The following AK8 variants were observed in gnomAD, a reference collection of about 807,000 sequenced individuals.
AK8 encodes the protein ATP-AMP transphosphorylase 8.
AK8 carries 44 observed loss-of-function variants against 54.6 expected under a neutral mutation model. The ratio of observed to expected loss-of-function variants is 0.81; its 90% CI spans 0.63 to 1.04. The LOEUF (loss-of-function observed/expected upper bound fraction) is 1.04, where lower values mean the gene tolerates loss of function less well. AK8 is among the 50% of genes least tolerant of loss of function. AK8 has a pLI of 0.00. For synonymous variants in AK8, 239 were observed against 245.6 expected (o/e 0.97, Z 0.25); for missense variants, 555 against 613.6 (o/e 0.90, Z 1.01).
At chr9:132,871,958 T>A (rs1275688486) in intron 2 of AK8, among the ~76,000 whole-genome samples, 2 of 152,218 alleles carry the variant, frequency 1.3e-5, no homozygotes, top group African/African-American at 2.4e-5. Flanking sequence ...AAAGAGATGA[T>A]TGAATCTGCC....
intron 10 of AK8, among the ~76,000 whole-genome samples, chr9:132,796,697 G>A (rs928543722): frequency 3.3e-5 from 5 of 151,270 alleles, no homozygotes; most frequent in African/African-American, 7.3e-5. Flanking sequence ...GTAAATAAAC[G>A]GCTTGTATAC....
At chr9:132,820,335 A>T (rs930828060) in intron 9 of AK8, among the ~76,000 whole-genome samples, 1 of 152,084 alleles carries the variant, frequency 6.6e-6, no homozygotes, top group African/African-American at 2.4e-5. Flanking sequence ...AACAAAAATG[A>T]GGTCACCCCC....
intron 2 of AK8, 110 bp downstream of exon 2, chr9:132,875,005 A>G: frequency 1.5e-6 from 2 of 1,377,464 alleles, no homozygotes; most frequent in African/African-American, 1.4e-5. Flanking sequence ...GGGATGGGGC[A>G]GGGTTCCTGG....
At chr9:132,853,090 C>T (rs1295761781) in intron 5 of AK8, among the ~76,000 whole-genome samples, 2 of 152,108 alleles carry the variant, frequency 1.3e-5, no homozygotes, top group Non-Finnish European at 2.9e-5. Context: ...GGCACGGTAG[C>T]TCACACCTGT....
rs35269905 is a variant in AK8, at chr9:132,727,699, C to T, written c.1122-165G>A. On this transcript the variant is annotated intron_variant, in intron 11 of 12. Coordinates refer to ENST00000298545, the MANE Select transcript of AK8 (RefSeq NM_152572.3). ...CTGCAAACCTGCCTTTCATGTACAA[C>T]CCAACCACTCCAGAGCCTGTGTCCC... 198 of 581,708 alleles carry T rather than the reference C, an allele frequency of 3.4e-4. No individual in the cohort carries two copies. In the African/African-American group the frequency reaches 3.8e-3, roughly 11 times the overall value. 36.0% of individuals were successfully genotyped at this position (581,708 alleles called of 1,614,324 possible). A position where few individuals can be genotyped will look rare whatever the true frequency, so the allele number is the denominator to read the frequency against.
At chr9:132,779,155 C>T (rs1400053555) in intron 11 of AK8, among the ~76,000 whole-genome samples, 4 of 152,170 alleles carry the variant, frequency 2.6e-5, no homozygotes, top group African/African-American at 9.7e-5. Context: ...GCAGCAAATA[C>T]TCTTTGAGGG....
rs1410747713 is a variant in AK8 at position 132,725,725 on chromosome 9, C to T, written c.1403G>A (p.Ser468Asn). ...CTTGGGCAGGGGATTAATGATCCCA[C>T]TCTCGATGTATTCGAAGACTGTGTA... ...DPYTVFEYIE[S>N]GIINPLPKKI... is the part of the protein sequence containing the mutation. The change falls in exon 13 of 13, where the codon AGT becomes AAT. Residue 468 changes from serine to asparagine, a missense_variant. Transcript: ENST00000298545. 5.7e-6 allele frequency: 9 copies of T among 1,586,004 alleles called. No individual in the cohort carries two copies. The highest frequency in any genetic ancestry group is 1.3e-5 in the African/African-American group (1 of 74,888).
Position 132,826,893 on chromosome 9 carries a change from T to A in AK8, c.718A>T (p.Ile240Phe). ...IPSYPKILKV[I>F]SADQPCVDVF... is the part of the protein sequence containing the mutation. ...TCCACACATGGCTGGTCAGCACTGA[T>A]GACTTTGAGGATTTTGGGGTAGGAG... Residue 240 changes from isoleucine to phenylalanine, a missense_variant, in exon 8 of 13, where the codon ATC becomes TTC. Transcript: ENST00000298545. This position sits in a 1 kb window ranked among gnomAD's most constrained non-coding sequence, Gnocchi z 4.5. 1 of 1,614,270 alleles carries A rather than the reference T, an allele frequency of 6.2e-7. No homozygotes were observed. Among genetic ancestry groups the A allele is most frequent in the East Asian group, 2.2e-5 (1 of 44,886 alleles).
chr9:132,763,361 G>A (rs1838575696), intron 11 of AK8, among the ~76,000 whole-genome samples: 1 of 152,206 alleles, frequency 6.6e-6, no homozygotes, highest in Non-Finnish European at 1.5e-5. Context: ...TGACCAATGG[G>A]TCAATGAAGA....
chr9:132,838,251 G>GA (rs35191480), intron 5 of AK8, among the ~76,000 whole-genome samples: 62,360 of 151,866 alleles, frequency 0.41, 14,423 homozygotes, highest in South Asian at 0.6. Flanking sequence ...CAAAGAGGAG[G>GA]AAAAAAGACT....
chr9:132,777,278 T>C (rs531561528), intron 11 of AK8, among the ~76,000 whole-genome samples: 5 of 152,172 alleles, frequency 3.3e-5, no homozygotes, highest in Admixed American at 6.5e-5. Flanking sequence ...GGAGCCCCTA[T>C]TGGTGCCAGT....
chr9:132,854,930 A>G lies in AK8; in HGVS notation c.334-5T>C. 6.2e-7 allele frequency: 1 copy of G among 1,614,092 alleles called. No homozygotes were observed. Among genetic ancestry groups the G allele is most frequent in the Non-Finnish European group, 8.5e-7 (1 of 1,180,006 alleles). ...GAGCAGCGCGCTGGGAACTGTCTGAAGGAAAAAGGACACACAGAATGATGG... is the reference window on the plus strand; with the variant it reads ...GAGCAGCGCGCTGGGAACTGTCTGAGGGAAAAAGGACACACAGAATGATGG... On this transcript the variant is annotated splice_polypyrimidine_tract_variant and splice_region_variant and intron_variant, in intron 4 of 12. Transcript: ENST00000298545.
chr9:132,730,462 C>A (rs1455523274), intron 11 of AK8, among the ~76,000 whole-genome samples: 3 of 136,964 alleles, frequency 2.2e-5, no homozygotes, highest in Non-Finnish European at 4.6e-5. Flanking sequence ...TCCATCCTTG[C>A]CAAAAAAACT....
chr9:132,764,109 A>G (rs1838612431), intron 11 of AK8, among the ~76,000 whole-genome samples: 1 of 152,226 alleles, frequency 6.6e-6, no homozygotes, highest in South Asian at 2.1e-4. Context: ...GTTTAAGACC[A>G]GCCTAGGCAA....
chr9:132,739,267 C>T lies in AK8; in HGVS notation c.1122-11733G>A, dbSNP rs371758529. Among the ~76,000 whole-genome samples, 27 of 151,172 alleles carry T rather than the reference C, an allele frequency of 1.8e-4. 1 individual carries two copies. In the East Asian group the frequency reaches 2.9e-3, roughly 16 times the overall value. ...GAGTTTGAGACCAGCCTGGCCAAGA[C>T]GGTGAGACCCCGTCTCTACTAAAGA... On this transcript the variant is annotated intron_variant, in intron 11 of 12. Transcript: ENST00000298545.
chr9:132,739,109 C>A (rs2130967038), intron 11 of AK8, among the ~76,000 whole-genome samples: 1 of 150,982 alleles, frequency 6.6e-6, no homozygotes, highest in South Asian at 2.1e-4. Context: ...ACTGTTTGAT[C>A]CCACTAAAAA....
At chr9:132,869,852 C>T (rs1038516201) in intron 2 of AK8, among the ~76,000 whole-genome samples, 6 of 144,298 alleles carry the variant, frequency 4.2e-5, no homozygotes, top group African/African-American at 7.6e-5. Context: ...CCTTGGGCCA[C>T]GAGGCAGAGG....
chr9:132,871,681 G>C (rs1270635292), intron 2 of AK8, among the ~76,000 whole-genome samples: 1 of 152,226 alleles, frequency 6.6e-6, no homozygotes, highest in Non-Finnish European at 1.5e-5. Context: ...GAGAACAACA[G>C]AGCAGGTGCA....
chr9:132,806,924 G>T (rs1008038260), intron 10 of AK8, among the ~76,000 whole-genome samples: 31 of 152,160 alleles, frequency 2.0e-4, no homozygotes, highest in Admixed American at 1.6e-3. Context: ...CTTTTCTCGG[G>T]TTCTATTAGG....
Sources: gnomAD v4.1 joint callset for allele counts (sites outside exome capture counted in the v4.1 genomes callset) on GRCh38, gnomAD v4.1.1 for gene constraint, Gnocchi (gnomAD v3.1) non-coding constraint, MANE v1.5 for transcripts, NCBI Gene and HGNC (gene_info 2026-07-23, HGNC 2026-07-21) for gene names.